The following KALRN variants were observed in gnomAD, a reference collection of about 807,000 sequenced individuals.
The protein encoded by KALRN is kalirin RhoGEF kinase.
In KALRN, 70 loss-of-function variants were observed where a neutral mutation model predicts 353.7. The observed-to-expected ratio is 0.20, with a 90% CI of 0.16 to 0.24. The LOEUF (loss-of-function observed/expected upper bound fraction) is 0.24, where lower values mean the gene tolerates loss of function less well. Among genes scored for constraint, KALRN ranks in the 10% least tolerant of loss-of-function variants. The pLI, the probability that KALRN is intolerant of heterozygous loss-of-function variation, is 1.00. For missense variants in KALRN, 2,791 were observed against 3,756.7 expected (o/e 0.74, Z 6.72); for synonymous variants, 1,391 against 1,434.8 (o/e 0.97, Z 0.69).
chr3:124,588,427 G>C (rs745942682), intron 34 of KALRN, among the ~76,000 whole-genome samples: 1 of 152,050 alleles, frequency 6.6e-6, no homozygotes, highest in Non-Finnish European at 1.5e-5. Context: ...CAGTTTTAGA[G>C]ACTTAATTTT....
chr3:124,086,711 C>T (rs1297621874), intron 1 of KALRN, among the ~76,000 whole-genome samples: 1 of 152,134 alleles, frequency 6.6e-6, no homozygotes, highest in African/African-American at 2.4e-5. Flanking sequence ...ATAATGTACT[C>T]ACAGTGTTCA....
intron 33 of KALRN, among the ~76,000 whole-genome samples, chr3:124,551,026 G>A (rs2070460478): frequency 6.6e-6 from 1 of 152,088 alleles, no homozygotes; most frequent in African/African-American, 2.4e-5. Flanking sequence ...TTAAGATGGA[G>A]CTGGATCATA....
chr3:124,142,775 C>T (rs770162457), intron 1 of KALRN, among the ~76,000 whole-genome samples: 32 of 152,126 alleles, frequency 2.1e-4, no homozygotes, highest in Non-Finnish European at 3.5e-4. Context: ...CTCCCTGCAC[C>T]ATGCCGCTGC....
At chr3:124,148,494 C>T in intron 1 of KALRN, among the ~76,000 whole-genome samples, 1 of 152,148 alleles carries the variant, frequency 6.6e-6, no homozygotes, top group East Asian at 1.9e-4. Context: ...GGAATTTGCC[C>T]AGGGGAACAT....
chr3:124,414,046 C>T (rs1169881832), intron 14 of KALRN, among the ~76,000 whole-genome samples: 1 of 151,784 alleles, frequency 6.6e-6, no homozygotes, highest in Non-Finnish European at 1.5e-5. Context: ...ATGGAGACTG[C>T]AGTGAGCTGA....
intron 1 of KALRN, among the ~76,000 whole-genome samples, chr3:124,191,388 C>A (rs543028490): frequency 6.6e-6 from 1 of 152,336 alleles, no homozygotes; most frequent in South Asian, 2.1e-4. Flanking sequence ...GGCCAGCCCC[C>A]ATCCTGAAGC....
At chr3:124,420,512 G>A (rs1355697896) in intron 14 of KALRN, among the ~76,000 whole-genome samples, 1 of 152,126 alleles carries the variant, frequency 6.6e-6, no homozygotes, top group Non-Finnish European at 1.5e-5. Context: ...AGAAATTTTT[G>A]TATTCTTACT....
chr3:124,529,793 GAA>G lies in KALRN; in HGVS notation c.4936-33039_4936-33038del, dbSNP rs372015719. Among the ~76,000 whole-genome samples, 10 of 136,140 alleles carry G rather than the reference GAA, an allele frequency of 7.3e-5. No individual in the cohort carries two copies. In the South Asian group the frequency reaches 1.4e-3, roughly 19 times the overall value. 89.3% of individuals were successfully genotyped at this position (136,140 alleles called of 152,430 possible). A position where few individuals can be genotyped will look rare whatever the true frequency, so the allele number is the denominator to read the frequency against. On this transcript the variant is annotated intron_variant, in intron 33 of 59. Coordinates refer to ENST00000682506, the MANE Select transcript of KALRN (RefSeq NM_001388419.1). Reference sequence around the variant, plus strand: ...ATTAAGAATGGAAAATGGGAAGATGGAAAAAAAAAAAAGCACCAAGGGCCAAG... The same window carrying G: ...ATTAAGAATGGAAAATGGGAAGATGGAAAAAAAAAAGCACCAAGGGCCAAG...
intron 1 of KALRN, among the ~76,000 whole-genome samples, chr3:124,134,367 T>C (rs1056743538): frequency 1.3e-5 from 2 of 152,308 alleles, no homozygotes; most frequent in South Asian, 2.1e-4. Context: ...TCTCACCTTA[T>C]ACAAAAATCA....
intron 57 of KALRN, among the ~76,000 whole-genome samples, chr3:124,707,404 TC>T (rs2062678391): frequency 9.6e-6 from 1 of 104,674 alleles, no homozygotes; most frequent in Non-Finnish European, 1.9e-5. Flanking sequence ...TTTCCTTCCT[TC>T]CTTCCTTCCT....
intron 33 of KALRN, among the ~76,000 whole-genome samples, chr3:124,555,656 G>A: frequency 6.6e-6 from 1 of 152,224 alleles, no homozygotes. Flanking sequence ...ATACTAATAG[G>A]AATAGGTGGG....
At chr3:124,223,607 C>G (rs1312703983) in intron 1 of KALRN, among the ~76,000 whole-genome samples, 4 of 152,174 alleles carry the variant, frequency 2.6e-5, no homozygotes. Flanking sequence ...ACCTCCAATG[C>G]TCTATAAACG....
chr3:124,391,030 G>C (rs1233517822), intron 11 of KALRN, among the ~76,000 whole-genome samples: 1 of 152,138 alleles, frequency 6.6e-6, no homozygotes, highest in Non-Finnish European at 1.5e-5. Flanking sequence ...CAAGGTTCTA[G>C]AAATTCTCAA....
chr3:124,409,763 G>A (rs2091967268), intron 13 of KALRN, among the ~76,000 whole-genome samples: 2 of 152,126 alleles, frequency 1.3e-5, no homozygotes, highest in Admixed American at 6.6e-5. Context: ...AGAAGGTGGG[G>A]AGGAAGAACC....
intron 25 of KALRN, among the ~76,000 whole-genome samples, chr3:124,468,396 G>A (rs2060555970): frequency 1.3e-5 from 2 of 152,160 alleles, no homozygotes; most frequent in Admixed American, 1.3e-4. Flanking sequence ...ACCAGGTGGT[G>A]AGAGAAGGGA....
chr3:124,136,120 C>T (rs77873513), intron 1 of KALRN, among the ~76,000 whole-genome samples: 1 of 152,134 alleles, frequency 6.6e-6, no homozygotes, highest in African/African-American at 2.4e-5. Context: ...GGATGGGGCC[C>T]AGACTGGTAT....
intron 1 of KALRN, among the ~76,000 whole-genome samples, chr3:124,054,760 T>G (rs1161353311): frequency 6.6e-6 from 1 of 152,220 alleles, no homozygotes; most frequent in East Asian, 1.9e-4. Context: ...AGGAGCTTTG[T>G]GAGTTGTATG....
intron 6 of KALRN, among the ~76,000 whole-genome samples, chr3:124,311,163 A>G (rs1462694719): frequency 7.2e-6 from 1 of 138,156 alleles, no homozygotes; most frequent in African/African-American, 2.8e-5. Flanking sequence ...TAGATTGGCT[A>G]TAATCAAAAA....
At chr3:124,232,954 A>G (rs891075823) in intron 2 of KALRN, among the ~76,000 whole-genome samples, 2 of 152,136 alleles carry the variant, frequency 1.3e-5, no homozygotes, top group Non-Finnish European at 2.9e-5. Flanking sequence ...TTAAAATCAT[A>G]TAATAAATGG....
Sources: gnomAD v4.1 joint callset for allele counts (sites outside exome capture counted in the v4.1 genomes callset) on GRCh38, gnomAD v4.1.1 for gene constraint, MANE v1.5 for transcripts, NCBI Gene and HGNC (gene_info 2026-07-23, HGNC 2026-07-21) for gene names.